TRAPPC3L: variants seen among roughly 807,000 people sequenced by gnomAD.
TRAPPC3L encodes the protein trafficking protein particle complex subunit 3-like protein.
Under a neutral mutation model 23.7 loss-of-function variants are expected in TRAPPC3L, and 23 were observed. The observed-to-expected ratio is 0.97, with a 90% CI of 0.70 to 1.37. The LOEUF (loss-of-function observed/expected upper bound fraction) is 1.37. TRAPPC3L is among the 40% of genes most tolerant of loss of function. TRAPPC3L has a pLI of 0.00. For synonymous variants in TRAPPC3L, 81 were observed against 77.9 expected (o/e 1.04, Z -0.21); for missense variants, 212 against 216.8 (o/e 0.98, Z 0.14).
intron 3 of TRAPPC3L, among the ~76,000 whole-genome samples, chr6:116,500,946 C>T (rs1475442283): frequency 6.6e-6 from 1 of 152,218 alleles, no homozygotes; most frequent in Non-Finnish European, 1.5e-5. Flanking sequence ...GTAATTTCTG[C>T]ATTTCCAACT....
In TRAPPC3L at chr6:116,496,704, A is replaced by C. The variant is rs1280006525; in HGVS notation, c.*250T>G. 5.2e-6 allele frequency: 2 copies of C among 386,482 alleles called. No individual in the cohort carries two copies. The highest frequency in any genetic ancestry group is 4.3e-5 in the African/African-American group (2 of 46,584). The allele number at this position is 386,482 out of a possible 1,614,324, so 23.9% of individuals were successfully genotyped here. ...GAGGATGGATAGTGTAAGATGTGGAATTCCTGCCTGCTATCTTGTAAGGAG... is the reference window on the plus strand; with the variant it reads ...GAGGATGGATAGTGTAAGATGTGGACTTCCTGCCTGCTATCTTGTAAGGAG... On this transcript the variant is annotated 3_prime_UTR_variant, in exon 5 of 5. Transcript: ENST00000368602.
chr6:116,521,350 A>T (rs1772337324), intron 3 of TRAPPC3L: 1 of 152,112 alleles, frequency 6.6e-6, no homozygotes, highest in Non-Finnish European at 1.5e-5. Context: ...CTCAAGTCCC[A>T]GTCTGAGGGC....
chr6:116,513,830 G>T (rs1772171936), intron 3 of TRAPPC3L, among the ~76,000 whole-genome samples: 2 of 152,224 alleles, frequency 1.3e-5, no homozygotes, highest in Non-Finnish European at 2.9e-5. Flanking sequence ...ATAGAATGGA[G>T]TAGTGGAAAG....
intron 3 of TRAPPC3L, among the ~76,000 whole-genome samples, chr6:116,509,175 C>T (rs1054506740): frequency 6.7e-6 from 1 of 149,856 alleles, no homozygotes; most frequent in Non-Finnish European, 1.5e-5. Context: ...CTATAAAATG[C>T]AGCTGAAAGA....
rs1408184864 is a variant in TRAPPC3L at position 116,495,017 on chromosome 6, G to A, written c.*1937C>T. 5 of 112,538 alleles carry A rather than the reference G, an allele frequency of 4.4e-5. No individual in the cohort carries two copies. The South Asian group carries it at 1.5e-3, about 34-fold the overall frequency. 7.0% of individuals were successfully genotyped at this position (112,538 alleles called of 1,614,324 possible). A position where few individuals can be genotyped will look rare whatever the true frequency, so the allele number is the denominator to read the frequency against. ...GACAGGGGTCTATGTTACCCAAGCT[G>A]GTCTCAAACTCCTGAGCTCAAGCAA... is the stretch of plus-strand genomic sequence containing the variant. On this transcript the variant is annotated 3_prime_UTR_variant, in exon 5 of 5. Transcript: ENST00000368602.
At chr6:116,527,408 G>A (rs913037032) in intron 3 of TRAPPC3L, among the ~76,000 whole-genome samples, 1 of 151,802 alleles carries the variant, frequency 6.6e-6, no homozygotes, top group Non-Finnish European at 1.5e-5. Context: ...CCAGCTACTC[G>A]GGAGGCTGAG....
intron 2 of TRAPPC3L, among the ~76,000 whole-genome samples, chr6:116,541,717 G>T (rs1416635022): frequency 8.5e-5 from 13 of 152,156 alleles, no homozygotes; most frequent in Non-Finnish European, 1.6e-4. Flanking sequence ...GTTGTATCAG[G>T]ATTAAAAAAT....
intron 2 of TRAPPC3L, among the ~76,000 whole-genome samples, chr6:116,541,413 G>T (rs1773448546): frequency 6.6e-6 from 1 of 152,158 alleles, no homozygotes; most frequent in Non-Finnish European, 1.5e-5. Context: ...ACGATTTCCA[G>T]TGGAGCCACA....
chr6:116,535,895 C>T (rs1255739709), intron 3 of TRAPPC3L, among the ~76,000 whole-genome samples: 1 of 152,118 alleles, frequency 6.6e-6, no homozygotes, highest in African/African-American at 2.4e-5. Flanking sequence ...ATGGTGATAG[C>T]AGATAAGTCT....
chr6:116,497,776 G>A (rs1412559637), intron 4 of TRAPPC3L, among the ~76,000 whole-genome samples: 2 of 152,118 alleles, frequency 1.3e-5, no homozygotes, highest in African/African-American at 4.8e-5. Context: ...TTTGTTCAGA[G>A]TTATTTTGAT....
chr6:116,516,072 T>A, intron 3 of TRAPPC3L: 1 of 1,467,526 alleles, frequency 6.8e-7, no homozygotes, highest in Non-Finnish European at 9.1e-7. Context: ...AACCTGTGTG[T>A]CTCTGTATTT....
intron 3 of TRAPPC3L, among the ~76,000 whole-genome samples, chr6:116,537,511 A>G (rs1054793465): frequency 6.6e-6 from 1 of 152,088 alleles, no homozygotes; most frequent in Non-Finnish European, 1.5e-5. Flanking sequence ...CTGAGATATG[A>G]ATTCATTTTC....
rs1177753140 is a variant in TRAPPC3L at position 116,496,646 on chromosome 6, TTAC to T, written c.*305_*307del. Reference sequence around the variant, plus strand: ...GTATTTGTGCTGCTTTTTTTTCCCATTACCATACGTGAATGGAATGAACAGCTT... The same window carrying T: ...GTATTTGTGCTGCTTTTTTTTCCCATCATACGTGAATGGAATGAACAGCTT... On this transcript the variant is annotated 3_prime_UTR_variant, in exon 5 of 5. Coordinates refer to ENST00000368602, the MANE Select transcript of TRAPPC3L (RefSeq NM_001139444.3). 8.6e-6 allele frequency: 2 copies of T among 232,750 alleles called. No individual in the cohort carries two copies. Among genetic ancestry groups the T allele is most frequent in the African/African-American group, 4.6e-5 (2 of 43,422 alleles). The allele number at this position is 232,750 out of a possible 1,614,324, so 14.4% of individuals were successfully genotyped here.
At chr6:116,508,757 CT>C (rs1482665361) in intron 3 of TRAPPC3L, among the ~76,000 whole-genome samples, 4 of 152,066 alleles carry the variant, frequency 2.6e-5, no homozygotes, top group Non-Finnish European at 5.9e-5. Flanking sequence ...GGCATTTCCC[CT>C]AAGAAGTGGA....
chr6:116,508,883 G>A (rs1772054338), intron 3 of TRAPPC3L, among the ~76,000 whole-genome samples: 1 of 151,990 alleles, frequency 6.6e-6, no homozygotes, highest in African/African-American at 2.4e-5. Context: ...AATTAGAAAA[G>A]AGGAAGTCAA....
chr6:116,508,002 G>A (rs1161380740), intron 3 of TRAPPC3L, among the ~76,000 whole-genome samples: 1 of 152,142 alleles, frequency 6.6e-6, no homozygotes, highest in Admixed American at 6.5e-5. Flanking sequence ...AAAATACACA[G>A]GCCTGGACTT....
chr6:116,506,519 T>G (rs923729262), intron 3 of TRAPPC3L, among the ~76,000 whole-genome samples: 1 of 152,208 alleles, frequency 6.6e-6, no homozygotes, highest in African/African-American at 2.4e-5. Flanking sequence ...ACTGGGTATA[T>G]ATGCAAAGGA....
At chr6:116,526,511 T>G (rs1399449863) in intron 3 of TRAPPC3L, among the ~76,000 whole-genome samples, 2 of 152,138 alleles carry the variant, frequency 1.3e-5, no homozygotes, top group Non-Finnish European at 1.5e-5. Context: ...AGACCACAAT[T>G]TATTGGGTCA....
At chr6:116,543,110 A>G (rs1053744461) in intron 2 of TRAPPC3L, among the ~76,000 whole-genome samples, 193 bp downstream of exon 2, 1 of 152,172 alleles carries the variant, frequency 6.6e-6, no homozygotes, top group African/African-American at 2.4e-5. Flanking sequence ...TGTAGGAAAA[A>G]AATCCTTCCT....
Sources: gnomAD v4.1 joint callset for allele counts (sites outside exome capture counted in the v4.1 genomes callset) on GRCh38, gnomAD v4.1.1 for gene constraint, MANE v1.5 for transcripts, NCBI Gene and HGNC (gene_info 2026-07-23, HGNC 2026-07-21) for gene names.